Variants in HEXD observed in about 807,000 individuals in gnomAD.
HEXD encodes the protein hexosaminidase D.
A neutral mutation model predicts 54.2 loss-of-function variants in HEXD; 47 were observed. The observed-to-expected ratio is 0.87, with a 90% CI of 0.69 to 1.11. The LOEUF is 1.11. HEXD is among the 50% of genes least tolerant of loss of function. HEXD has a pLI of 0.00. For missense variants in HEXD, 576 were observed against 649.2 expected, an observed-to-expected ratio of 0.89 and a Z score of 1.23; for synonymous variants, 293 against 287.6, an observed-to-expected ratio of 1.02 and a Z score of -0.19.
At chr17:82,438,170 G>A (rs539990018) in intron 8 of HEXD, among the ~76,000 whole-genome samples, 33 of 152,074 alleles carry the variant, frequency 2.2e-4, no homozygotes, top group African/African-American at 4.1e-4. Context: ...CCCAGGAGGC[G>A]GAGGTTGCAG....
At chr17:82,424,819 G>T (rs1227437765) in intron 3 of HEXD, among the ~76,000 whole-genome samples, 1 of 152,232 alleles carries the variant, frequency 6.6e-6, no homozygotes, top group African/African-American at 2.4e-5. Flanking sequence ...GGAGAAGGCT[G>T]GACTACAGAA....
At chr17:82,430,191 G>A (rs952266836) in intron 4 of HEXD, among the ~76,000 whole-genome samples, 1 of 152,176 alleles carries the variant, frequency 6.6e-6, no homozygotes, top group Non-Finnish European at 1.5e-5. Flanking sequence ...TCACAGCACA[G>A]CCCTGACCAC....
In HEXD at chr17:82,437,252, A is replaced by C; in HGVS notation, c.788A>C (p.Gln263Pro). 6.2e-7 allele frequency: 1 copy of C among 1,611,628 alleles called. No homozygotes were observed. The change falls in exon 8 of 13, where the codon CAG becomes CCG. Residue 263 changes from glutamine to proline, a missense_variant. By Grantham distance (76) the Gln-to-Pro change is moderately conservative (BLOSUM62 -1). Transcript: ENST00000327949. ...TTCAAGGGTGCCACGGGGCCCAGCCAGGCCGTGCCCCCTGTTGAGCACCAC... is the reference window on the plus strand; with the variant it reads ...TTCAAGGGTGCCACGGGGCCCAGCCCGGCCGTGCCCCCTGTTGAGCACCAC... ...SAFKGATGPSQAVPPVEHHLR... is the reference protein window; with the variant it reads ...SAFKGATGPSPAVPPVEHHLR...
At chr17:82,440,760 C>G in intron 9 of HEXD, 1 of 562,940 alleles carries the variant, frequency 1.8e-6, no homozygotes, top group South Asian at 2.2e-5. Context: ...GCAACACAGT[C>G]TTACTTCTGT....
At chr17:82,433,128 A>ATATATATATTTTT (rs71168109) in intron 4 of HEXD, among the ~76,000 whole-genome samples, 1 of 13,072 alleles carries the variant, frequency 7.6e-5, no homozygotes, top group Non-Finnish European at 1.2e-4. Flanking sequence ...ATATATATAT[A>ATATATATATTTTT]TTTTTTTTTT....
chr17:82,418,389 G>T lies in HEXD; in HGVS notation c.-403G>T, dbSNP rs2053124372. 1 of 1,449,408 alleles carries T rather than the reference G, an allele frequency of 6.9e-7. No individual in the cohort carries two copies. The highest frequency in any genetic ancestry group is 9.1e-7 in the Non-Finnish European group (1 of 1,098,346). The allele number at this position is 1,449,408 out of a possible 1,614,324, so 89.8% of individuals were successfully genotyped here. On this transcript the variant is annotated 5_prime_UTR_variant, in exon 1 of 13. Coordinates refer to ENST00000327949, the MANE Select transcript of HEXD (RefSeq NM_001330542.2). ...GGCCCTGTCCGCCGCCGCAGCGCGC[G>T]CCCTTCCCCTCCTCACCGCTACCTG...
Position 82,442,510 on chromosome 17 carries a change from C to CAGTT in HEXD, c.*127_*130dup. On this transcript the variant is annotated 3_prime_UTR_variant, in exon 13 of 13. Transcript: ENST00000327949. The surrounding 1 kb of genome is among the most constrained non-coding windows in gnomAD (Gnocchi z 6.8). ...GGCCCAGCAGTGTCTTGCCCACACT[C>CAGTT]AGTTCCTGAGGGCCCTGGGCAGCCC... 1 of 1,596,786 alleles carries CAGTT rather than the reference C, an allele frequency of 6.3e-7. No individual in the cohort carries two copies. The highest frequency in any genetic ancestry group is 1.7e-4 in the Middle Eastern group (1 of 6,024).
At chr17:82,436,910 A>G (rs2053785705) in intron 7 of HEXD, 172 bp downstream of exon 7, 2 of 646,230 alleles carry the variant, frequency 3.1e-6, no homozygotes, top group Non-Finnish European at 5.3e-6. Flanking sequence ...GCCACCGTGC[A>G]CCGGTGCCTC....
intron 2 of HEXD, among the ~76,000 whole-genome samples, chr17:82,422,426 G>A (rs2053262155): frequency 6.6e-6 from 1 of 152,018 alleles, no homozygotes; most frequent in Admixed American, 6.6e-5. Flanking sequence ...GAACCTGGGT[G>A]GTGGAGGTTG....
chr17:82,429,924 C>T (rs1044727719), intron 4 of HEXD, among the ~76,000 whole-genome samples: 4 of 152,152 alleles, frequency 2.6e-5, no homozygotes, highest in Admixed American at 2.6e-4. Flanking sequence ...ACCCTCATCC[C>T]CAGCTGCCTG....
intron 4 of HEXD, among the ~76,000 whole-genome samples, chr17:82,432,212 C>T (rs2053594336): frequency 6.6e-6 from 1 of 152,174 alleles, no homozygotes; most frequent in South Asian, 2.1e-4. Flanking sequence ...CCACCTGGCC[C>T]TCACAGGTCC....
At chr17:82,439,749 C>A in intron 9 of HEXD, 36 bp downstream of exon 9, 1 of 1,598,730 alleles carries the variant, frequency 6.3e-7, no homozygotes, top group Non-Finnish European at 8.5e-7. Context: ...CCCCACCGGC[C>A]CCTCCCCGAA....
intron 3 of HEXD, chr17:82,426,352 TGGTCGGGTGGTCGGGATGTTCCTG>T (rs914165792): frequency 1.3e-5 from 2 of 151,582 alleles, no homozygotes; most frequent in African/African-American, 4.8e-5. Flanking sequence ...CTGGGCCGTG[TGGTCGGGTGGTCGGGATGTTCCTG>T]GGCCGTGTGG....
At chr17:82,441,476 AGGGGCAGGTGCAGGTGAGCAGGCAGGCAT>A (rs149360265) in intron 11 of HEXD, among the ~76,000 whole-genome samples, 2,763 of 87,368 alleles carry the variant, frequency 0.032, 103 homozygotes, top group African/African-American at 0.12. Flanking sequence ...GGTGTGGGTG[AGGGGCAGGTGCAGGTGAGCAGGCAGGCAT>A]GGGGCAGGTG....
intron 4 of HEXD, among the ~76,000 whole-genome samples, chr17:82,433,242 G>C (rs991882099): frequency 3.4e-5 from 5 of 148,866 alleles, no homozygotes; most frequent in Non-Finnish European, 7.4e-5. Flanking sequence ...AGGAGTTCAA[G>C]ACCAGCCTGG....
At chr17:82,424,254 T>G in intron 2 of HEXD, 140 bp from the exon 3 acceptor site, 1 of 665,342 alleles carries the variant, frequency 1.5e-6, no homozygotes, top group Admixed American at 2.4e-5. Flanking sequence ...ACATTCCGGA[T>G]TTAAGGTTCC....
In HEXD at chr17:82,440,308, GGCGGCCCAGGGACGGGGAC is replaced by G. The variant is rs2053895399; in HGVS notation, c.982+602_982+620del. 29 of 1,261,618 alleles carry G rather than the reference GGCGGCCCAGGGACGGGGAC, an allele frequency of 2.3e-5. No homozygotes were observed. In the South Asian group the frequency reaches 3.7e-4, roughly 16 times the overall value. The allele number at this position is 1,261,618 out of a possible 1,614,324, so 78.2% of individuals were successfully genotyped here. On this transcript the variant is annotated intron_variant, in intron 9 of 12. Coordinates refer to ENST00000327949, the MANE Select transcript of HEXD (RefSeq NM_001330542.2). ...CGCGGAGAGCGGGACCCGCAGGCGCGGCGGCCCAGGGACGGGGACGCGGCCGGTGAGAGGACGCAGAATG... is the reference window on the plus strand; with the variant it reads ...CGCGGAGAGCGGGACCCGCAGGCGCGGCGGCCGGTGAGAGGACGCAGAATG...
At chr17:82,433,115 T>A (rs1567890519) in intron 4 of HEXD, among the ~76,000 whole-genome samples, 8 of 14,846 alleles carry the variant, frequency 5.4e-4, no homozygotes, top group African/African-American at 2.2e-3. Flanking sequence ...TATATATATA[T>A]ATATATATAT....
chr17:82,437,561 G>A lies in HEXD; in HGVS notation c.899+198G>A, dbSNP rs996046125. Among the ~76,000 whole-genome samples the A allele has an allele frequency of 2.6e-4, 39 of 152,244 alleles. 1 individual carries two copies. Among genetic ancestry groups the A allele is most frequent in the African/African-American group, 8.9e-4 (37 of 41,466 alleles). ...GCGGCCGCTGAGGGACGCTGCTCCC[G>A]TGTTCAGGGTCACGAACACGTGGCC... On this transcript the variant is annotated intron_variant, in intron 8 of 12. Coordinates refer to ENST00000327949, the MANE Select transcript of HEXD (RefSeq NM_001330542.2).
Sources: allele counts gnomAD v4.1 joint callset (sites outside exome capture counted in the v4.1 genomes callset), GRCh38; gene constraint gnomAD v4.1.1; non-coding constraint Gnocchi (gnomAD v3.1); transcripts MANE v1.5; gene names NCBI Gene and HGNC (gene_info 2026-07-23, HGNC 2026-07-21).